DACH1: variants seen among roughly 807,000 people sequenced by gnomAD.
DACH1 encodes the protein dachshund homolog 1.
A neutral mutation model predicts 54.2 loss-of-function variants in DACH1; 12 were observed. The observed-to-expected ratio is 0.22, with a 90% CI of 0.14 to 0.36. The LOEUF (loss-of-function observed/expected upper bound fraction) is 0.36. Among genes scored for constraint, DACH1 ranks in the 10% least tolerant of loss-of-function variants. The pLI is 1.00. For missense variants in DACH1, 805 were observed against 929.8 expected (o/e 0.87, Z 1.75); for synonymous variants, 386 against 366.2 (o/e 1.05, Z -0.62).
At position 71,841,311 on chromosome 13, in the gene DACH1, CT is replaced by C; in HGVS notation, c.848+24610del. ...ATTATGTCTTTTCTCTTTTTTTTTG[CT>C]TTTATTGTTATTTTTAATTGACATA... On this transcript the variant is annotated intron_variant, in intron 1 of 10. Coordinates refer to ENST00000613252, the MANE Select transcript of DACH1 (RefSeq NM_080759.6). Among the ~76,000 whole-genome samples the C allele has an allele frequency of 2.0e-5, 3 of 150,596 alleles. No individual in the cohort carries two copies. In the South Asian group the frequency reaches 6.3e-4, roughly 31 times the overall value.
At chr13:71,576,009 T>C (rs989014564) in intron 3 of DACH1, among the ~76,000 whole-genome samples, 18 of 152,074 alleles carry the variant, frequency 1.2e-4, no homozygotes, top group African/African-American at 4.3e-4. Flanking sequence ...AGTGCATATT[T>C]TCACAATTTT....
At chr13:71,712,011 C>T (rs577083974) in intron 1 of DACH1, among the ~76,000 whole-genome samples, 21 of 152,152 alleles carry the variant, frequency 1.4e-4, no homozygotes, top group East Asian at 1.2e-3. Context: ...TAGCTAATGT[C>T]GTTCCAAAGA....
intron 10 of DACH1, among the ~76,000 whole-genome samples, chr13:71,469,047 T>C (rs1457270863): frequency 6.6e-6 from 1 of 152,164 alleles, no homozygotes; most frequent in Non-Finnish European, 1.5e-5. Flanking sequence ...AAAAGGGACA[T>C]GTAAGCCTGG....
At chr13:71,846,941 C>G (rs1873318326) in intron 1 of DACH1, among the ~76,000 whole-genome samples, 1 of 152,042 alleles carries the variant, frequency 6.6e-6, no homozygotes, top group African/African-American at 2.4e-5. Flanking sequence ...TATCAAACTG[C>G]TAATACATAT....
chr13:71,455,150 G>A (rs766076839), intron 10 of DACH1, among the ~76,000 whole-genome samples: 1 of 152,088 alleles, frequency 6.6e-6, no homozygotes, highest in African/African-American at 2.4e-5. Flanking sequence ...TGTTCTTAAT[G>A]TGCAAAAATC....
chr13:71,833,491 A>G (rs1202074898), intron 1 of DACH1, among the ~76,000 whole-genome samples: 2 of 151,984 alleles, frequency 1.3e-5, no homozygotes, highest in East Asian at 3.9e-4. Flanking sequence ...AGATTTATAA[A>G]CATATTGTGT....
intron 3 of DACH1, among the ~76,000 whole-genome samples, chr13:71,597,375 A>G (rs188131765): frequency 6.6e-6 from 1 of 152,224 alleles, no homozygotes; most frequent in African/African-American, 2.4e-5. Flanking sequence ...TAATTTTTTT[A>G]AATTTAAACA....
At chr13:71,604,137 T>A (rs983233302) in intron 3 of DACH1, among the ~76,000 whole-genome samples, 1 of 151,956 alleles carries the variant, frequency 6.6e-6, no homozygotes. Flanking sequence ...AATAATAAAA[T>A]GCAATATAAA....
At chr13:71,479,480 C>T (rs1004097854) in intron 7 of DACH1, among the ~76,000 whole-genome samples, 164 bp from the exon 8 acceptor site, 1 of 152,176 alleles carries the variant, frequency 6.6e-6, no homozygotes, top group African/African-American at 2.4e-5. Flanking sequence ...AAGCATAAAA[C>T]TCCTAAGTCT....
chr13:71,850,521 G>A (rs1427771293), intron 1 of DACH1, among the ~76,000 whole-genome samples: 1 of 151,974 alleles, frequency 6.6e-6, no homozygotes, highest in Non-Finnish European at 1.5e-5. Flanking sequence ...TGAACACTTC[G>A]CCACTTCCCT....
At chr13:71,720,631 TTGCC>T (rs1392689496) in intron 1 of DACH1, among the ~76,000 whole-genome samples, 1 of 152,198 alleles carries the variant, frequency 6.6e-6, no homozygotes, top group Non-Finnish European at 1.5e-5. Flanking sequence ...TATGAATCCT[TTGCC>T]TGCTAACATG....
chr13:71,806,542 A>G (rs2138139300), intron 1 of DACH1, among the ~76,000 whole-genome samples: 1 of 152,310 alleles, frequency 6.6e-6, no homozygotes, highest in African/African-American at 2.4e-5. Flanking sequence ...AAGTACCCTA[A>G]GCACAAAGAC....
At chr13:71,659,496 G>A (rs1236865701) in intron 2 of DACH1, among the ~76,000 whole-genome samples, 2 of 152,092 alleles carry the variant, frequency 1.3e-5, no homozygotes, top group Non-Finnish European at 2.9e-5. Flanking sequence ...GATTCAGGAG[G>A]AGGAAAACAC....
chr13:71,714,356 A>T (rs191928799), intron 1 of DACH1, among the ~76,000 whole-genome samples: 1 of 152,176 alleles, frequency 6.6e-6, no homozygotes, highest in Non-Finnish European at 1.5e-5. Flanking sequence ...AACAAAACAA[A>T]ACAGGACATG....
chr13:71,838,637 T>C (rs1888891122), intron 1 of DACH1, among the ~76,000 whole-genome samples: 1 of 152,164 alleles, frequency 6.6e-6, no homozygotes, highest in Non-Finnish European at 1.5e-5. Context: ...TAAAAAGCAA[T>C]TTTGAAGCAA....
intron 3 of DACH1, among the ~76,000 whole-genome samples, chr13:71,611,082 G>A (rs892636656): frequency 6.6e-6 from 1 of 152,096 alleles, no homozygotes; most frequent in Non-Finnish European, 1.5e-5. Flanking sequence ...CAGTGTATAA[G>A]CAGTCCCTCG....
At chr13:71,815,126 G>A (rs894744335) in intron 1 of DACH1, among the ~76,000 whole-genome samples, 1 of 152,174 alleles carries the variant, frequency 6.6e-6, no homozygotes, top group Non-Finnish European at 1.5e-5. Context: ...CCAGATGCTT[G>A]ACACTTTGTT....
chr13:71,744,132 T>G (rs1884512453), intron 1 of DACH1, among the ~76,000 whole-genome samples: 1 of 152,078 alleles, frequency 6.6e-6, no homozygotes, highest in Admixed American at 6.6e-5. Flanking sequence ...TACAGATACC[T>G]CCCTAAATAG....
chr13:71,842,993 A>G (rs1387149014), intron 1 of DACH1, among the ~76,000 whole-genome samples: 1 of 152,212 alleles, frequency 6.6e-6, no homozygotes, highest in Admixed American at 6.5e-5. Flanking sequence ...ACACACTTCT[A>G]TCATTTAAAT....
Sources: gnomAD v4.1 joint callset for allele counts (sites outside exome capture counted in the v4.1 genomes callset) on GRCh38, gnomAD v4.1.1 for gene constraint, MANE v1.5 for transcripts, NCBI Gene and HGNC (gene_info 2026-07-23, HGNC 2026-07-21) for gene names.